The following LSAMP variants were observed in gnomAD, a reference collection of about 807,000 sequenced individuals.
LSAMP encodes the protein limbic system associated membrane protein, also known as limbic system-associated membrane protein.
LSAMP carries 7 observed loss-of-function variants against 38.6 expected under a neutral mutation model. The observed-to-expected ratio is 0.18, with a 90% confidence interval of 0.10 to 0.34. The LOEUF is 0.34. Among genes scored for constraint, LSAMP ranks in the 10% least tolerant of loss-of-function variants. LSAMP has a pLI of 1.00. For synonymous variants in LSAMP, 154 were observed against 166.8 expected, an observed-to-expected ratio of 0.92 and a Z score of 0.59; for missense variants, 313 against 420.0, an observed-to-expected ratio of 0.75 and a Z score of 2.23.
intron 1 of LSAMP, among the ~76,000 whole-genome samples, chr3:116,125,417 T>A (rs1314630037): frequency 1.3e-5 from 2 of 151,038 alleles, no homozygotes; most frequent in Admixed American, 1.3e-4. Flanking sequence ...TGTTTCTTTA[T>A]CTTTCCTTGG....
At chr3:116,282,884 C>T (rs1418987773) in intron 1 of LSAMP, among the ~76,000 whole-genome samples, 1 of 152,044 alleles carries the variant, frequency 6.6e-6, no homozygotes, top group Non-Finnish European at 1.5e-5. Context: ...CTGCTGTGCT[C>T]CTTGTCAGTG....
rs1326656227 is a variant in LSAMP at position 116,228,827 on chromosome 3, A to G, written c.156-142271T>C. On this transcript the variant is annotated intron_variant, in intron 1 of 6. Coordinates refer to ENST00000490035, the MANE Select transcript of LSAMP (RefSeq NM_002338.5). ...TAATCCCCTCTGTACTCATTGAGAA[A>G]CCTGGAGGCATTAGGGAAAGCAGGT... 2.0e-5 allele frequency among the ~76,000 whole-genome samples: 3 copies of G among 152,210 alleles called. No homozygotes were observed. The East Asian group carries it at 5.8e-4, about 29-fold the overall frequency.
At position 116,429,294 on chromosome 3, in the gene LSAMP, C is replaced by G. The variant is rs1435008450; in HGVS notation, c.155+15583G>C. Among the ~76,000 whole-genome samples the G allele has an allele frequency of 2.0e-5, 3 of 152,116 alleles. No individual in the cohort carries two copies. The East Asian group carries it at 5.8e-4, about 29-fold the overall frequency. Reference sequence around the variant, plus strand: ...TACAAAAAGAGATAAAATAGTGAACCATGCATACAAATAGTAAGAAAGCAA... The same window carrying G: ...TACAAAAAGAGATAAAATAGTGAACGATGCATACAAATAGTAAGAAAGCAA... On this transcript the variant is annotated intron_variant, in intron 1 of 6. Transcript: ENST00000490035.
intron 3 of LSAMP, among the ~76,000 whole-genome samples, chr3:115,883,403 A>T (rs1057149929): frequency 2.0e-5 from 3 of 152,062 alleles, no homozygotes; most frequent in Non-Finnish European, 4.4e-5. Context: ...GTAGATGTAG[A>T]TGCCTTAGTG....
chr3:116,281,497 G>A (rs1173615490), intron 1 of LSAMP, among the ~76,000 whole-genome samples: 1 of 152,130 alleles, frequency 6.6e-6, no homozygotes, highest in Non-Finnish European at 1.5e-5. Context: ...ATTCAGACGT[G>A]GTAGTTAGAA....
At position 115,806,322 on chromosome 3, in the gene LSAMP, A is replaced by G. The variant is rs1222239894; in HGVS notation, c.*3995T>C. ...GTAAATATAGCATCTATAAAGATAAAAAATACACACACATATATATTATTG... is the reference window on the plus strand; with the variant it reads ...GTAAATATAGCATCTATAAAGATAAGAAATACACACACATATATATTATTG... On this transcript the variant is annotated 3_prime_UTR_variant, in exon 7 of 7. Coordinates refer to ENST00000490035, the MANE Select transcript of LSAMP (RefSeq NM_002338.5). 6.6e-6 allele frequency: 1 copy of G among 152,198 alleles called. No individual in the cohort carries two copies. Among genetic ancestry groups the G allele is most frequent in the Non-Finnish European group, 1.5e-5 (1 of 68,030 alleles). 9.4% of individuals were successfully genotyped at this position (152,198 alleles called of 1,614,324 possible). A position where few individuals can be genotyped will look rare whatever the true frequency, so the allele number is the denominator to read the frequency against.
At chr3:115,908,282 A>G (rs915116352) in intron 3 of LSAMP, among the ~76,000 whole-genome samples, 3 of 152,062 alleles carry the variant, frequency 2.0e-5, no homozygotes, top group Non-Finnish European at 4.4e-5. Flanking sequence ...ACCCCTCAAT[A>G]TCCAATCAAA....
intron 1 of LSAMP, among the ~76,000 whole-genome samples, chr3:116,130,480 T>TTAATAATA (rs1381940760): frequency 1.3e-5 from 2 of 152,176 alleles, no homozygotes; most frequent in Non-Finnish European, 2.9e-5. Context: ...ATATTAAGCA[T>TTAATAATA]TCAATAAACA....
At chr3:116,058,984 C>T (rs965544752) in intron 2 of LSAMP, among the ~76,000 whole-genome samples, 4 of 151,772 alleles carry the variant, frequency 2.6e-5, no homozygotes, top group Admixed American at 2.6e-4. Context: ...CATGCTTATG[C>T]TGTGCTAGAC....
intron 1 of LSAMP, among the ~76,000 whole-genome samples, chr3:116,091,940 T>A (rs563730830): frequency 1.3e-5 from 2 of 152,308 alleles, no homozygotes; most frequent in East Asian, 1.9e-4. Context: ...CTCTCGTCAG[T>A]GTAACCTTCT....
intron 1 of LSAMP, among the ~76,000 whole-genome samples, chr3:116,226,419 T>C (rs1012699354): frequency 6.6e-6 from 1 of 152,242 alleles, no homozygotes; most frequent in Non-Finnish European, 1.5e-5. Context: ...TCTCATCTCA[T>C]TGCTGATCTT....
Position 116,094,750 on chromosome 3 carries a change from G to C in LSAMP, c.156-8194C>G, listed in dbSNP as rs180959707. Among the ~76,000 whole-genome samples, 146 of 152,308 alleles carry C rather than the reference G, an allele frequency of 9.6e-4. 1 individual carries two copies. Among genetic ancestry groups the C allele is most frequent in the African/African-American group, 3.4e-3 (142 of 41,576 alleles). On this transcript the variant is annotated intron_variant, in intron 1 of 6. Transcript: ENST00000490035. ...GTAAAAAACAAACAGTTTAGATCCT[G>C]AAGAGGCTCATTTTAGTTCTGGCCT...
chr3:116,176,593 C>T (rs1192971141), intron 1 of LSAMP, among the ~76,000 whole-genome samples: 1 of 152,248 alleles, frequency 6.6e-6, no homozygotes, highest in South Asian at 2.1e-4. Flanking sequence ...AAAACACAAG[C>T]TCCATTAGAT....
chr3:116,112,458 A>G (rs1708637265), intron 1 of LSAMP, among the ~76,000 whole-genome samples: 1 of 152,224 alleles, frequency 6.6e-6, no homozygotes, highest in African/African-American at 2.4e-5. Flanking sequence ...GACTATGATA[A>G]TAAAACTAAT....
At chr3:116,081,452 C>CA (rs1339062976) in intron 2 of LSAMP, among the ~76,000 whole-genome samples, 2,971 of 127,360 alleles carry the variant, frequency 0.023, 93 homozygotes, top group African/African-American at 0.077. Flanking sequence ...GACTCTGTCT[C>CA]AAAAAAAAAA....
intron 3 of LSAMP, among the ~76,000 whole-genome samples, chr3:115,979,595 A>C (rs190533457): frequency 2.0e-5 from 3 of 152,234 alleles, no homozygotes; most frequent in Non-Finnish European, 2.9e-5. Flanking sequence ...GCTAGTATTC[A>C]GGTTAGAGGC....
intron 3 of LSAMP, among the ~76,000 whole-genome samples, chr3:115,880,911 A>C (rs1022947591): frequency 1.3e-5 from 2 of 151,662 alleles, no homozygotes; most frequent in Admixed American, 1.3e-4. Flanking sequence ...GGTAGCGGGC[A>C]CCTGTAATCC....
In LSAMP at chr3:116,338,932, C is replaced by A. The variant is rs76698209; in HGVS notation, c.155+105945G>T. On this transcript the variant is annotated intron_variant, in intron 1 of 6. Transcript: ENST00000490035. ...CATTCACAGTAGAGTGATTATCAACCAACAGCTTTAAGCTGGTACACCTCC... is the reference window on the plus strand; with the variant it reads ...CATTCACAGTAGAGTGATTATCAACAAACAGCTTTAAGCTGGTACACCTCC... Among the ~76,000 whole-genome samples the A allele has an allele frequency of 4.7e-3, 717 of 152,146 alleles. 1 individual carries two copies. The highest frequency in any genetic ancestry group is 8.2e-3 in the Non-Finnish European group (559 of 67,956).
chr3:116,356,170 C>A (rs2048221126), intron 1 of LSAMP, among the ~76,000 whole-genome samples: 1 of 152,100 alleles, frequency 6.6e-6, no homozygotes, highest in Non-Finnish European at 1.5e-5. Context: ...TCAAGATTTG[C>A]AAGCAATCTA....
Sources: allele counts gnomAD v4.1 joint callset (sites outside exome capture counted in the v4.1 genomes callset), GRCh38; gene constraint gnomAD v4.1.1; transcripts MANE v1.5; gene names NCBI Gene and HGNC (gene_info 2026-07-23, HGNC 2026-07-21).